Variants in ABLIM2 observed in about 807,000 individuals in gnomAD.
ABLIM2 encodes the protein actin-binding LIM protein 2.
In ABLIM2, 53 loss-of-function variants were observed where a neutral mutation model predicts 97.7. The observed-to-expected ratio is 0.54, with a 90% CI of 0.44 to 0.68. The LOEUF is 0.68. Among genes scored for constraint, ABLIM2 ranks in the 30% least tolerant of loss-of-function variants. The pLI, the probability that ABLIM2 is intolerant of heterozygous loss-of-function variation, is 0.00. For synonymous variants in ABLIM2, 361 were observed against 345.8 expected, an observed-to-expected ratio of 1.04 and a Z score of -0.49; for missense variants, 835 against 867.2, an observed-to-expected ratio of 0.96 and a Z score of 0.47.
At chr4:8,121,246 G>T (rs555908800) in intron 1 of ABLIM2, among the ~76,000 whole-genome samples, 1 of 152,348 alleles carries the variant, frequency 6.6e-6, no homozygotes, top group East Asian at 1.9e-4. Flanking sequence ...TGAGTGTCAG[G>T]TGGGGGCTTC....
chr4:8,019,722 G>A lies in ABLIM2; in HGVS notation c.1370-51C>T. The A allele has an allele frequency of 6.6e-7, 1 of 1,520,726 alleles. No individual in the cohort carries two copies. The highest frequency in any genetic ancestry group is 1.1e-5 in the South Asian group (1 of 88,050). 94.2% of individuals were successfully genotyped at this position (1,520,726 alleles called of 1,614,324 possible). ...GAGAGAACAGGAGGGTAAGCAGCAAGTTGTGATGGTTTCTGTTCTACAGCT... is the reference window on the plus strand; with the variant it reads ...GAGAGAACAGGAGGGTAAGCAGCAAATTGTGATGGTTTCTGTTCTACAGCT... On this transcript the variant is annotated intron_variant, in intron 13 of 20. Coordinates refer to ENST00000447017, the MANE Select transcript of ABLIM2 (RefSeq NM_001130083.2). The surrounding 1 kb of genome is among the most constrained non-coding windows in gnomAD (Gnocchi z 4.3).
At chr4:8,037,210 T>G (rs1785018404) in intron 9 of ABLIM2, among the ~76,000 whole-genome samples, 1 of 152,296 alleles carries the variant, frequency 6.6e-6, no homozygotes, top group South Asian at 2.1e-4. Flanking sequence ...CTGAGGTTGG[T>G]TGAATCTGCA....
chr4:8,110,667 G>GGGGGTGGGA (rs1578080504), intron 1 of ABLIM2, among the ~76,000 whole-genome samples: 1 of 150,840 alleles, frequency 6.6e-6, no homozygotes, highest in African/African-American at 2.4e-5. Context: ...CGGGGGTGGG[G>GGGGGTGGGA]TGTGGGGGTG....
At chr4:8,042,631 G>C (rs2151665605) in intron 9 of ABLIM2, among the ~76,000 whole-genome samples, 2 of 152,260 alleles carry the variant, frequency 1.3e-5, no homozygotes, top group South Asian at 4.1e-4. Flanking sequence ...CCTGAGGTCG[G>C]GAGTTTGAGA....
At chr4:7,988,420 G>T (rs1371363870) in intron 17 of ABLIM2, among the ~76,000 whole-genome samples, 1 of 152,204 alleles carries the variant, frequency 6.6e-6, no homozygotes, top group Non-Finnish European at 1.5e-5. Context: ...TTACAGATGA[G>T]CCTTAGAGAG....
intron 2 of ABLIM2, among the ~76,000 whole-genome samples, chr4:8,105,784 C>A (rs1289530214): frequency 6.6e-6 from 1 of 152,216 alleles, no homozygotes; most frequent in Non-Finnish European, 1.5e-5. Flanking sequence ...GTTTGATTTG[C>A]ACATCCCTTC....
intron 8 of ABLIM2, among the ~76,000 whole-genome samples, chr4:8,048,944 C>A (rs941060601): frequency 6.6e-6 from 1 of 152,190 alleles, no homozygotes; most frequent in African/African-American, 2.4e-5. Flanking sequence ...ACCCCCTTCT[C>A]ACCCCAAGGT....
chr4:8,029,789 A>T lies in ABLIM2; in HGVS notation c.1048-13T>A. On this transcript the variant is annotated splice_polypyrimidine_tract_variant and intron_variant, in intron 10 of 20. Coordinates refer to ENST00000447017, the MANE Select transcript of ABLIM2 (RefSeq NM_001130083.2). ...CATCCTGATCCCCCTGGGAGGGAAG[A>T]TGCAGCTTGTGAACACTGGAGCCGG... The T allele has an allele frequency of 6.4e-7, 1 of 1,567,628 alleles. No individual in the cohort carries two copies. Among genetic ancestry groups the T allele is most frequent in the Non-Finnish European group, 8.6e-7 (1 of 1,156,488 alleles).
chr4:8,094,620 G>C (rs1019654666), intron 3 of ABLIM2, among the ~76,000 whole-genome samples: 2 of 152,226 alleles, frequency 1.3e-5, no homozygotes, highest in Non-Finnish European at 2.9e-5. Flanking sequence ...GATTAGGTCA[G>C]GGGTCGATCT....
intron 1 of ABLIM2, among the ~76,000 whole-genome samples, chr4:8,114,365 G>T (rs2176434): frequency 6.6e-6 from 1 of 152,028 alleles, no homozygotes; most frequent in Non-Finnish European, 1.5e-5. Flanking sequence ...GTACAGGCAC[G>T]CACACTTTGC....
At position 8,009,062 on chromosome 4, in the gene ABLIM2, C is replaced by T. The variant is rs902222218; in HGVS notation, c.1464G>A (p.Gln488=). 6.2e-7 allele frequency: 1 copy of T among 1,614,016 alleles called. No homozygotes were observed. The highest frequency in any genetic ancestry group is 1.7e-5 in the Admixed American group (1 of 60,020). The change falls in exon 15 of 21, where the codon CAG becomes CAA. Residue 488 remains glutamine (Q), a synonymous_variant. Coordinates refer to ENST00000447017, the MANE Select transcript of ABLIM2 (RefSeq NM_001130083.2). ...TCCCTGGCATTACCTTCCTGTTATC[C>T]TGGTCCAAGCTTCCATCCTCCCCAT... The part of the protein sequence containing the change: ...RSDGEDGSLD[Q]DNRKQKSSWL...
At chr4:8,094,275 C>G (rs1337541032) in intron 3 of ABLIM2, among the ~76,000 whole-genome samples, 2 of 152,130 alleles carry the variant, frequency 1.3e-5, no homozygotes, top group Non-Finnish European at 2.9e-5. Context: ...GCTCATTTCA[C>G]CATTCCTGTC....
intron 3 of ABLIM2, among the ~76,000 whole-genome samples, chr4:8,093,618 A>T (rs1419208381): frequency 6.6e-6 from 1 of 152,208 alleles, no homozygotes; most frequent in Admixed American, 6.5e-5. Flanking sequence ...CATTTTTGGA[A>T]GTTTTTTGTG....
rs1282402721 is a variant in ABLIM2, at chr4:8,032,442, A to C, written c.1048-2666T>G. On this transcript the variant is annotated intron_variant, in intron 10 of 20. Coordinates refer to ENST00000447017, the MANE Select transcript of ABLIM2 (RefSeq NM_001130083.2). This position sits in a 1 kb window ranked among gnomAD's most constrained non-coding sequence, Gnocchi z 4.3. ...GGCCACATCCGCAGGGCTGGCAGACATATCGGGGAGGCATGCAAGTGCGGG... is the reference window on the plus strand; with the variant it reads ...GGCCACATCCGCAGGGCTGGCAGACCTATCGGGGAGGCATGCAAGTGCGGG... Among the ~76,000 whole-genome samples, 2 of 152,142 alleles carry C rather than the reference A, an allele frequency of 1.3e-5. No individual in the cohort carries two copies. The highest frequency in any genetic ancestry group is 2.9e-5 in the Non-Finnish European group (2 of 68,008).
At chr4:8,086,284 CAA>C (rs140575003) in intron 4 of ABLIM2, among the ~76,000 whole-genome samples, 36,924 of 128,856 alleles carry the variant, frequency 0.29, 5,100 homozygotes, top group East Asian at 0.39. Context: ...TTGAAAACCT[CAA>C]AAAAAAAAAA....
chr4:8,094,994 T>C (rs9760474), intron 3 of ABLIM2, among the ~76,000 whole-genome samples: 1 of 134,046 alleles, frequency 7.5e-6, no homozygotes, highest in Non-Finnish European at 1.6e-5. Context: ...CTCTTTCTTT[T>C]CCTTTTTCTT....
intron 1 of ABLIM2, among the ~76,000 whole-genome samples, chr4:8,152,786 T>C (rs1713496387): frequency 6.6e-6 from 1 of 152,192 alleles, no homozygotes; most frequent in African/African-American, 2.4e-5. Context: ...TGTGAGCCTC[T>C]ACCACGTGCC....
intron 6 of ABLIM2, among the ~76,000 whole-genome samples, chr4:8,062,021 C>T (rs1803486415): frequency 6.6e-6 from 1 of 151,780 alleles, no homozygotes; most frequent in African/African-American, 2.4e-5. Flanking sequence ...AACCTCCGGG[C>T]CAGGTGATAA....
chr4:7,986,395 C>G lies in ABLIM2; in HGVS notation c.1681-1502G>C, dbSNP rs1402030050. On this transcript the variant is annotated intron_variant, in intron 17 of 20. Coordinates refer to ENST00000447017, the MANE Select transcript of ABLIM2 (RefSeq NM_001130083.2). The surrounding 1 kb of genome is among the most constrained non-coding windows in gnomAD (Gnocchi z 4.3). ...GCTGGACCTTCTTCCTGATGCAGAG[C>G]TGGAGTCAGAGGGCTAGAGTCAGGC... Among the ~76,000 whole-genome samples the G allele has an allele frequency of 6.6e-6, 1 of 152,188 alleles. No homozygotes were observed. The highest frequency in any genetic ancestry group is 1.5e-5 in the Non-Finnish European group (1 of 68,034).
Sources: gnomAD v4.1 joint callset for allele counts (sites outside exome capture counted in the v4.1 genomes callset) on GRCh38, gnomAD v4.1.1 for gene constraint, Gnocchi (gnomAD v3.1) non-coding constraint, MANE v1.5 for transcripts, NCBI Gene and HGNC (gene_info 2026-07-23, HGNC 2026-07-21) for gene names.